The following ERICH1 variants were observed in gnomAD, a reference collection of about 807,000 sequenced individuals.
ERICH1 encodes glutamate rich 1, also known as glutamate-rich protein 1.
In ERICH1, 56 loss-of-function variants were observed where a neutral mutation model predicts 39.6. That is an observed-to-expected ratio of 1.41 (90% CI 1.14 to 1.77). ERICH1 has a LOEUF of 1.77. ERICH1 is among the 40% of genes most tolerant of loss of function. ERICH1 has a pLI of 0.00. For missense variants in ERICH1, 826 were observed against 575.4 expected (o/e 1.44, Z -4.45); for synonymous variants, 313 against 223.6 (o/e 1.40, Z -3.57).
intron 3 of ERICH1, among the ~76,000 whole-genome samples, chr8:681,282 G>A (rs1199931329): frequency 6.6e-6 from 1 of 152,192 alleles, no homozygotes; most frequent in Non-Finnish European, 1.5e-5. Context: ...AGTTCCTGAT[G>A]CTTCTGGACA....
downstream of ERICH1, among the ~76,000 whole-genome samples, chr8:661,762 G>C (rs529026117): frequency 3.9e-5 from 6 of 152,350 alleles, no homozygotes; most frequent in Admixed American, 3.3e-4. Context: ...TTAACCCTGA[G>C]CATCCCACCT....
intron 2 of ERICH1, among the ~76,000 whole-genome samples, chr8:708,676 A>G (rs1813873591): frequency 1.3e-5 from 1 of 75,236 alleles, no homozygotes; most frequent in Non-Finnish European, 2.8e-5. Flanking sequence ...GTTACGGGAT[A>G]ATGAGTTTTT....
chr8:709,681 C>G (rs1814258140), intron 2 of ERICH1, among the ~76,000 whole-genome samples: 1 of 152,222 alleles, frequency 6.6e-6, no homozygotes, highest in Non-Finnish European at 1.5e-5. Context: ...CCAAAAACTT[C>G]AAAGGCCAAG....
chr8:721,760 G>A lies in ERICH1; in HGVS notation c.23-5753C>T, dbSNP rs542336976. Among the ~76,000 whole-genome samples the A allele has an allele frequency of 3.3e-5, 5 of 152,248 alleles. No individual in the cohort carries two copies. In the South Asian group the frequency reaches 1.0e-3, roughly 32 times the overall value. Reference sequence around the variant, plus strand: ...CTAATACCAAAAGCAGAACATAAACGAAAGGTTTTTTCCCTCCAGAATAAC... The same window carrying A: ...CTAATACCAAAAGCAGAACATAAACAAAAGGTTTTTTCCCTCCAGAATAAC... On this transcript the variant is annotated intron_variant, in intron 1 of 5. Coordinates refer to ENST00000262109, the MANE Select transcript of ERICH1 (RefSeq NM_207332.3).
rs1046299984 is a variant in ERICH1, at chr8:677,023, G to A, written c.305-2976C>T. Among the ~76,000 whole-genome samples, 12 of 152,226 alleles carry A rather than the reference G, an allele frequency of 7.9e-5. 1 individual carries two copies. Among genetic ancestry groups the A allele is most frequent in the African/African-American group, 1.4e-4 (6 of 41,452 alleles). On this transcript the variant is annotated intron_variant, in intron 3 of 5. Coordinates refer to ENST00000262109, the MANE Select transcript of ERICH1 (RefSeq NM_207332.3). Reference sequence around the variant, plus strand: ...CTTCCACAATGAAGCTCTTCAAAGCGGTTTCCTATTCTCCTCTGTCTCAAC... The same window carrying A: ...CTTCCACAATGAAGCTCTTCAAAGCAGTTTCCTATTCTCCTCTGTCTCAAC...
chr8:722,451 A>T (rs1196636997), intron 1 of ERICH1, among the ~76,000 whole-genome samples: 2 of 152,250 alleles, frequency 1.3e-5, no homozygotes, highest in African/African-American at 4.8e-5. Flanking sequence ...TGCTATTTCA[A>T]ATAAAAGACA....
At chr8:698,194 G>A (rs1350289849) in intron 2 of ERICH1, among the ~76,000 whole-genome samples, 1 of 151,468 alleles carries the variant, frequency 6.6e-6, no homozygotes, top group Admixed American at 6.6e-5. Flanking sequence ...CTACCCTCCA[G>A]AAAGGCCATC....
At chr8:650,213 C>T (rs1156722572) in intron 3 of ERICH1, among the ~76,000 whole-genome samples, 1 of 152,208 alleles carries the variant, frequency 6.6e-6, no homozygotes, top group Non-Finnish European at 1.5e-5. Context: ...CGTCCCGTTC[C>T]GTGCTGGCGA....
rs573816380 is a variant in ERICH1 at position 714,980 on chromosome 8, C to T, written c.169+881G>A. ...CCACGTCTCTCAGTTGGATGTGCTG[C>T]GCACAGCCGGTCTATTCTCGTGTCT... On this transcript the variant is annotated intron_variant, in intron 2 of 5. Transcript: ENST00000262109. 1.2e-4 allele frequency among the ~76,000 whole-genome samples: 19 copies of T among 152,168 alleles called. No individual in the cohort carries two copies. In the South Asian group the frequency reaches 1.9e-3, roughly 15 times the overall value.
chr8:637,814 C>T (rs1584987503), intron 3 of ERICH1, among the ~76,000 whole-genome samples: 2 of 152,182 alleles, frequency 1.3e-5, no homozygotes, highest in East Asian at 1.9e-4. Flanking sequence ...GCTTGCCTGA[C>T]GTCCAGACCC....
At chr8:719,676 C>T (rs1816841762) in intron 1 of ERICH1, among the ~76,000 whole-genome samples, 1 of 152,232 alleles carries the variant, frequency 6.6e-6, no homozygotes, top group Non-Finnish European at 1.5e-5. Flanking sequence ...TCCTCAGTGG[C>T]TTTCCTTCCT....
In ERICH1 at chr8:651,984, C is replaced by T. The variant is rs529535661; in HGVS notation, c.976+16614G>A. ...TTAGAAGATCAACTATTTTGCAACC[C>T]GAATGAAGGCACTGATTTGGGAAAA... On this transcript the variant is annotated intron_variant, in intron 3 of 3. Coordinates refer to the ERICH1 transcript ENST00000522706. Among the ~76,000 whole-genome samples, 310 of 152,190 alleles carry T rather than the reference C, an allele frequency of 2.0e-3. 3 individuals carry two copies. Among genetic ancestry groups the T allele is most frequent in the Middle Eastern group, 0.01 (3 of 294 alleles).
intron 2 of ERICH1, among the ~76,000 whole-genome samples, chr8:693,229 C>A (rs1367192899): frequency 2.6e-5 from 4 of 151,948 alleles, no homozygotes; most frequent in African/African-American, 9.7e-5. Context: ...CAGAGACACA[C>A]AGAGAGATAC....
At chr8:706,796 TA>T (rs1813383689) in intron 2 of ERICH1, among the ~76,000 whole-genome samples, 1 of 151,912 alleles carries the variant, frequency 6.6e-6, no homozygotes, top group Non-Finnish European at 1.5e-5. Context: ...AACAAAAAGA[TA>T]AAACTGCACT....
chr8:622,925 T>C (rs929497108), intron 3 of ERICH1, among the ~76,000 whole-genome samples: 2 of 150,306 alleles, frequency 1.3e-5, no homozygotes, highest in African/African-American at 2.5e-5. Context: ...ACCACTGTAC[T>C]CCAACCTGGG....
intron 3 of ERICH1, among the ~76,000 whole-genome samples, chr8:644,323 G>A (rs554722223): frequency 1.1e-4 from 17 of 152,358 alleles, no homozygotes; most frequent in African/African-American, 4.1e-4. Flanking sequence ...TCGTCTCTTT[G>A]TAAGTTCAGT....
intron 3 of ERICH1, among the ~76,000 whole-genome samples, chr8:650,472 C>G (rs1330407215): frequency 1.3e-5 from 2 of 152,210 alleles, no homozygotes; most frequent in African/African-American, 4.8e-5. Flanking sequence ...CTCGGCAGGG[C>G]ACTGTCACAT....
intron 3 of ERICH1, among the ~76,000 whole-genome samples, chr8:618,761 T>C (rs1187278186): frequency 3.9e-5 from 6 of 152,118 alleles, no homozygotes; most frequent in African/African-American, 7.2e-5. Flanking sequence ...TGGACTACCC[T>C]GCTATGTGTA....
At chr8:704,380 G>C (rs1023073669) in intron 2 of ERICH1, among the ~76,000 whole-genome samples, 1 of 152,190 alleles carries the variant, frequency 6.6e-6, no homozygotes, top group South Asian at 2.1e-4. Context: ...GGCCACGGAA[G>C]ATGAAGCTCA....
Sources: allele counts gnomAD v4.1 joint callset (sites outside exome capture counted in the v4.1 genomes callset), GRCh38; gene constraint gnomAD v4.1.1; transcripts MANE v1.5; gene names NCBI Gene and HGNC (gene_info 2026-07-23, HGNC 2026-07-21).